FAM234A: variants seen among roughly 807,000 people sequenced by gnomAD.
FAM234A encodes the protein family with sequence similarity 234 member A, also known as protein FAM234A.
Under a neutral mutation model 49.1 loss-of-function variants are expected in FAM234A, and 42 were observed. The observed-to-expected ratio is 0.86, with a 90% CI of 0.67 to 1.11. FAM234A has a LOEUF of 1.11. Among genes scored for constraint, FAM234A ranks in the 50% least tolerant of loss-of-function variants. FAM234A has a pLI of 0.00. For missense variants in FAM234A, 815 were observed against 745.2 expected (o/e 1.09, Z -1.09); for synonymous variants, 369 against 316.2 (o/e 1.17, Z -1.77).
At chr16:254,174 C>T (rs1011871087) in intron 2 of FAM234A, 12 of 546,128 alleles carry the variant, frequency 2.2e-5, no homozygotes, top group Non-Finnish European at 2.3e-5. Flanking sequence ...GCTAACTCGC[C>T]TTTCCACACT....
rs376809582 is a variant in FAM234A at position 263,983 on chromosome 16, C to T, written c.1189-33C>T. ...CTCGAGCTTTTCCCGGTAGCCCCCA[C>T]GTTGGCCCCCACAGTGTCCCCTCCC... On this transcript the variant is annotated intron_variant, in intron 10 of 12. Transcript: ENST00000399932. The T allele has an allele frequency of 7.9e-4, 1,265 of 1,595,348 alleles. 2 individuals are homozygous for T. The highest frequency in any genetic ancestry group is 9.9e-4 in the Non-Finnish European group (1,156 of 1,168,336).
downstream of FAM234A, chr16:269,623 T>A (rs942440311): frequency 5.4e-6 from 8 of 1,477,954 alleles, no homozygotes; most frequent in Non-Finnish European, 7.6e-6. Flanking sequence ...CCCTTCTGCC[T>A]CCTCACCTCT....
intron 3 of FAM234A, among the ~76,000 whole-genome samples, chr16:256,743 T>A (rs2051249072): frequency 6.8e-6 from 1 of 147,994 alleles, no homozygotes; most frequent in East Asian, 2.0e-4. Context: ...CTGGCTAATT[T>A]TTTTTTTTTT....
rs977831842 is a variant in FAM234A at position 265,080 on chromosome 16, G to A, written c.*58G>A. On this transcript the variant is annotated 3_prime_UTR_variant, in exon 13 of 13. Coordinates refer to ENST00000399932, the MANE Select transcript of FAM234A (RefSeq NM_032039.4). ...CGCCTGCTGACACTAAACGTCCTGG[G>A]AAGTGGGCCCTTCCCTGGGTCTCTG... The A allele has an allele frequency of 1.1e-5, 17 of 1,534,814 alleles. No individual in the cohort carries two copies. In the Admixed American group the frequency reaches 1.7e-4, roughly 15 times the overall value.
intron 1 of FAM234A, among the ~76,000 whole-genome samples, chr16:244,178 T>G (rs9931912): frequency 6.5e-4 from 98 of 151,926 alleles, no homozygotes; most frequent in African/African-American, 2.3e-3. Flanking sequence ...CCGTGTTAGC[T>G]AGGATGGTCT....
intron 3 of FAM234A, among the ~76,000 whole-genome samples, chr16:258,114 A>G (rs2051311887): frequency 1.3e-5 from 2 of 149,652 alleles, no homozygotes; most frequent in Admixed American, 1.3e-4. Flanking sequence ...TCGGCCTCCT[A>G]AAGTGCTAGG....
rs1411762068 is a variant in FAM234A, at chr16:259,564, G to A, written c.350G>A (p.Ser117Asn). The change falls in exon 4 of 13, where the codon AGC becomes AAC. Residue 117 changes from serine (S) to asparagine (N), a missense_variant. Transcript: ENST00000399932. ...DVLFLYKNTN[S>N]SNNFSRSCVD... ...CTTTTTCTTTATAAAAACACCAACAGCAGCAACAATTTCAGCCGATCCTGT... is the reference window on the plus strand; with the variant it reads ...CTTTTTCTTTATAAAAACACCAACAACAGCAACAATTTCAGCCGATCCTGT... 1.9e-6 allele frequency: 3 copies of A among 1,611,448 alleles called. No homozygotes were observed. The highest frequency in any genetic ancestry group is 3.3e-5 in the Admixed American group (2 of 59,992).
rs759978569 is a variant in FAM234A at position 264,148 on chromosome 16, G to A, written c.1321G>A (p.Glu441Lys). ...RSAFFFWGLH[E>K]LGSTSETETG... is the part of the protein sequence containing the mutation. ...AGCCTTCTTCTTCTGGGGCCTCCAC[G>A]AGCTGGGGAGCACCAGCGAGACGGT... The change falls in exon 11 of 13, where the codon GAG becomes AAG. Residue 441 changes from glutamate (E) to lysine (K), a missense_variant. Glu to Lys is a moderately conservative substitution (Grantham distance 56, BLOSUM62 1). Coordinates refer to ENST00000399932, the MANE Select transcript of FAM234A (RefSeq NM_032039.4). 9 of 1,605,128 alleles carry A rather than the reference G, an allele frequency of 5.6e-6. No homozygotes were observed. Among genetic ancestry groups the A allele is most frequent in the East Asian group, 4.5e-5 (2 of 44,736 alleles).
chr16:269,509 T>C (rs1251402364), downstream of FAM234A: 20 of 1,613,076 alleles, frequency 1.2e-5, no homozygotes, highest in Non-Finnish European at 1.5e-5. Context: ...TCACCGTCTC[T>C]TCATCTCCAG....
Position 262,197 on chromosome 16 carries a change from A to G in FAM234A, c.813A>G (p.Thr271=). 1 of 1,613,960 alleles carries G rather than the reference A, an allele frequency of 6.2e-7. No homozygotes were observed. The highest frequency in any genetic ancestry group is 1.3e-5 in the African/African-American group (1 of 75,058). ...GCTTCCTCCTTCACGTCACCAGGAC[A>G]GGTGCCCACTACATCCTCTTTCCCT... is the stretch of plus-strand genomic sequence containing the variant. ...ESGFLLHVTR[T]GAHYILFPCA... Residue 271 remains threonine, a synonymous_variant, in exon 7 of 13, where the codon ACA becomes ACG. Coordinates refer to ENST00000399932, the MANE Select transcript of FAM234A (RefSeq NM_032039.4).
downstream of FAM234A, among the ~76,000 whole-genome samples, chr16:267,855 T>TCA (rs373308456): frequency 9.2e-6 from 1 of 108,786 alleles, no homozygotes; most frequent in East Asian, 5.0e-4. Flanking sequence ...CACGTGTGCC[T>TCA]CAGTGCTACA....
At position 264,633 on chromosome 16, in the gene FAM234A, A is replaced by C. The variant is rs747209821; in HGVS notation, c.1364A>C (p.His455Pro). 3.2e-5 allele frequency: 51 copies of C among 1,610,960 alleles called. No homozygotes were observed. The highest frequency in any genetic ancestry group is 4.2e-5 in the Non-Finnish European group (50 of 1,179,706). Residue 455 changes from histidine (H) to proline (P), a missense_variant, in exon 12 of 13, where the codon CAC becomes CCC. Transcript: ENST00000399932. ...TSETETGEAR[H>P]SLYMFHPTLP... ...CTCCAGGAGACCGGGGAGGCCCGGC[A>C]CAGCCTGTACATGTTCCACCCCACC...
At chr16:261,207 C>A in intron 5 of FAM234A, 177 bp from the exon 6 acceptor site, 2 of 662,730 alleles carry the variant, frequency 3.0e-6, no homozygotes, top group Non-Finnish European at 5.1e-6. Flanking sequence ...TGCTCCTTCA[C>A]GAGCACAGGA....
intron 3 of FAM234A, 39 bp from the exon 4 acceptor site, chr16:259,444 C>A: frequency 8.5e-7 from 1 of 1,182,068 alleles, no homozygotes; most frequent in African/African-American, 1.5e-5. Context: ...GGAAACCAGG[C>A]ATGGCCCGCG....
Position 254,644 on chromosome 16 carries a change from G to A in FAM234A, c.231G>A (p.Ala77=), listed in dbSNP as rs376206846. ...SFVIPCPDRP[A]SQRMWRIDYS... ...TCATCCCGTGTCCAGACCGGCCGGC[G>A]TCACAGCGAATGTGGAGGATAGACT... Residue 77 remains alanine (A), a synonymous_variant, in exon 3 of 13, where the codon GCG becomes GCA. Coordinates refer to ENST00000399932, the MANE Select transcript of FAM234A (RefSeq NM_032039.4). 1 of 1,614,026 alleles carries A rather than the reference G, an allele frequency of 6.2e-7. No homozygotes were observed. Among genetic ancestry groups the A allele is most frequent in the Non-Finnish European group, 8.5e-7 (1 of 1,180,030 alleles).
chr16:247,798 A>G (rs780984175), intron 1 of FAM234A, among the ~76,000 whole-genome samples: 7 of 152,060 alleles, frequency 4.6e-5, no homozygotes, highest in African/African-American at 9.7e-5. Context: ...TGTGTTTTTC[A>G]TAAATGCCTC....
chr16:267,461 T>G (rs1029496677), downstream of FAM234A, among the ~76,000 whole-genome samples: 3 of 151,706 alleles, frequency 2.0e-5, no homozygotes, highest in African/African-American at 4.9e-5. Flanking sequence ...TTCACACATA[T>G]GTACTATACA....
chr16:239,688 G>A lies in FAM234A; in HGVS notation c.-140+4831G>A, dbSNP rs185518152. Among the ~76,000 whole-genome samples the A allele has an allele frequency of 2.7e-3, 413 of 151,940 alleles. 2 individuals are homozygous for A. Among genetic ancestry groups the A allele is most frequent in the African/African-American group, 9.1e-3 (377 of 41,404 alleles). ...AATCTGCCTTGGAATTCAGGAGAAA[G>A]GCTTACTCCATGGTATTTTCTGGAC... is the stretch of plus-strand genomic sequence containing the variant. On this transcript the variant is annotated intron_variant, in intron 1 of 12. Coordinates refer to ENST00000399932, the MANE Select transcript of FAM234A (RefSeq NM_032039.4).
At chr16:256,903 CG>C (rs1005527252) in intron 3 of FAM234A, among the ~76,000 whole-genome samples, 3 of 151,954 alleles carry the variant, frequency 2.0e-5, no homozygotes, top group African/African-American at 7.3e-5. Flanking sequence ...CCACCACACC[CG>C]GCTAATTTTG....
Sources: gnomAD v4.1 joint callset for allele counts (sites outside exome capture counted in the v4.1 genomes callset) on GRCh38, gnomAD v4.1.1 for gene constraint, MANE v1.5 for transcripts, NCBI Gene and HGNC (gene_info 2026-07-23, HGNC 2026-07-21) for gene names.